A4GNT: variants seen among roughly 807,000 people sequenced by gnomAD.
A4GNT encodes the protein alpha-1,4-N-acetylglucosaminyltransferase.
A neutral mutation model predicts 8.3 loss-of-function variants in A4GNT; 6 were observed. The ratio of observed to expected loss-of-function variants is 0.72; its 90% CI spans 0.39 to 1.42. The LOEUF (loss-of-function observed/expected upper bound fraction) is 1.42. Ranked by LOEUF, A4GNT falls within the 40% of genes most tolerant of loss-of-function variation. The pLI, the probability that A4GNT is intolerant of heterozygous loss-of-function variation, is 0.02. For missense variants in A4GNT, 377 were observed against 417.0 expected (o/e 0.90, Z 0.84); for synonymous variants, 157 against 159.8 (o/e 0.98, Z 0.13).
chr3:138,131,668 A>T (rs1576524187), intron 1 of A4GNT, among the ~76,000 whole-genome samples: 1 of 152,366 alleles, frequency 6.6e-6, no homozygotes, highest in East Asian at 1.9e-4. Context: ...CATTAAAAAT[A>T]ATTAGTTAAT....
intron 2 of A4GNT, among the ~76,000 whole-genome samples, chr3:138,126,075 G>A (rs1056203438): frequency 6.6e-6 from 1 of 152,310 alleles, no homozygotes; most frequent in East Asian, 1.9e-4. Context: ...TCTGGGGTAG[G>A]GTTGGTAGAT....
intron 2 of A4GNT, among the ~76,000 whole-genome samples, chr3:138,127,604 T>C (rs1167879892): frequency 7.4e-5 from 11 of 148,068 alleles, no homozygotes; most frequent in African/African-American, 2.2e-4. Context: ...ACATAAGCGC[T>C]CCAATAAGGA....
At position 138,130,960 on chromosome 3, in the gene A4GNT, G is replaced by A; in HGVS notation, c.297C>T (p.Asn99=). Residue 99 remains asparagine (N), a synonymous_variant, in exon 2 of 3, where the codon AAC becomes AAT. Transcript: ENST00000236709. ...GGAAGGAAAAAGCTGGGTATGTGGA[G>A]TTTGAGGGCATCGGTGTGGAATCAG... ...GLTDSTPMPS[N]STYPAFSFLS... The A allele has an allele frequency of 6.2e-7, 1 of 1,614,194 alleles. No homozygotes were observed.
At chr3:138,125,469 CAG>C (rs1290632648) in intron 2 of A4GNT, among the ~76,000 whole-genome samples, 1 of 152,112 alleles carries the variant, frequency 6.6e-6, no homozygotes, top group Admixed American at 6.5e-5. Context: ...AACAAACAAA[CAG>C]AAATCCCTAC....
chr3:138,129,652 T>C (rs879681696), intron 2 of A4GNT, among the ~76,000 whole-genome samples: 1 of 152,174 alleles, frequency 6.6e-6, no homozygotes, highest in Non-Finnish European at 1.5e-5. Flanking sequence ...CTTCATAATA[T>C]CCTCAATTTT....
Position 138,124,096 on chromosome 3 carries a change from G to T in A4GNT, c.*168C>A. On this transcript the variant is annotated 3_prime_UTR_variant, in exon 3 of 3. Transcript: ENST00000236709. ...ACCATGGGTGTATGTTTTATAGCCA[G>T]TATCATTTGGGATTTTTCTATTACA... The T allele has an allele frequency of 1.1e-6, 1 of 877,232 alleles. No homozygotes were observed. Among genetic ancestry groups the T allele is most frequent in the Non-Finnish European group, 1.7e-6 (1 of 591,798 alleles). 54.3% of individuals were successfully genotyped at this position (877,232 alleles called of 1,614,324 possible).
chr3:138,132,956 C>G (rs111596177), upstream of A4GNT, among the ~76,000 whole-genome samples: 2 of 152,308 alleles, frequency 1.3e-5, no homozygotes, highest in African/African-American at 4.8e-5. Flanking sequence ...AGGAAGCCAG[C>G]TTTGTTGTCC....
Position 138,130,845 on chromosome 3 carries a change from T to G in A4GNT, c.408+4A>C. On this transcript the variant is annotated splice_donor_region_variant and intron_variant, in intron 2 of 2. Transcript: ENST00000236709. ...TGACATTTTAAGTTTCCCTAAACAC[T>G]TACTTGATTGTACCATGAAAACAAT... 2 of 1,613,100 alleles carry G rather than the reference T, an allele frequency of 1.2e-6. 1 individual carries two copies. The highest frequency in any genetic ancestry group is 2.2e-5 in the South Asian group (2 of 90,956).
At position 138,124,296 on chromosome 3, in the gene A4GNT, C is replaced by T; in HGVS notation, c.991G>A (p.Val331Met). Reference sequence around the variant, plus strand: ...TTACCTGGACCCAGCTCCCCAGTCACTGACCCCTCTGGGCCTTTAATCAGG... The same window carrying T: ...TTACCTGGACCCAGCTCCCCAGTCATTGACCCCTCTGGGCCTTTAATCAGG... ...RDLIKGPEGS[V>M]TGELGPGNK is the part of the protein sequence containing the mutation. Residue 331 changes from valine to methionine, a missense_variant, in exon 3 of 3, where the codon GTG becomes ATG. Coordinates refer to ENST00000236709, the MANE Select transcript of A4GNT (RefSeq NM_016161.3). 3 of 1,614,142 alleles carry T rather than the reference C, an allele frequency of 1.9e-6. No homozygotes were observed. Among genetic ancestry groups the T allele is most frequent in the Non-Finnish European group, 2.5e-6 (3 of 1,180,006 alleles).
chr3:138,132,466 T>C (rs1246427616), upstream of A4GNT: 1 of 152,202 alleles, frequency 6.6e-6, no homozygotes, highest in East Asian at 1.9e-4. Flanking sequence ...AAGTAAATCA[T>C]TGGCAGATTG....
intron 2 of A4GNT, among the ~76,000 whole-genome samples, chr3:138,128,274 A>G (rs1198242832): frequency 6.6e-6 from 1 of 152,162 alleles, no homozygotes; most frequent in Admixed American, 6.5e-5. Flanking sequence ...TTGCATTCCT[A>G]TAAGGAAATA....
intron 2 of A4GNT, among the ~76,000 whole-genome samples, chr3:138,129,350 G>A (rs549277098): frequency 1.3e-5 from 2 of 152,254 alleles, no homozygotes; most frequent in South Asian, 4.1e-4. Context: ...TAGACAGAGG[G>A]AGATTTTACA....
rs553089322 is a variant in A4GNT, at chr3:138,124,551, C to T, written c.736G>A (p.Asp246Asn). 5.0e-6 allele frequency: 8 copies of T among 1,614,186 alleles called. No individual in the cohort carries two copies. Among genetic ancestry groups the T allele is most frequent in the Admixed American group, 1.7e-5 (1 of 60,032 alleles). ...CKLEDFQEVS[D>N]LRCLNISFLH... ...AAGGATATGTTCAGACACCTGAGGTCGCTCACCTCCTGGAAGTCTTCAAGT... is the reference window on the plus strand; with the variant it reads ...AAGGATATGTTCAGACACCTGAGGTTGCTCACCTCCTGGAAGTCTTCAAGT... Residue 246 changes from aspartate (D) to asparagine (N), a missense_variant, in exon 3 of 3, where the codon GAC (aspartate) becomes AAC (asparagine). Coordinates refer to ENST00000236709, the MANE Select transcript of A4GNT (RefSeq NM_016161.3).
chr3:138,124,559 T>G lies in A4GNT; in HGVS notation c.728A>C (p.Glu243Ala). The G allele has an allele frequency of 6.2e-7, 1 of 1,614,214 alleles. No homozygotes were observed. Among genetic ancestry groups the G allele is most frequent in the Admixed American group, 1.7e-5 (1 of 60,034 alleles). ...GTTCAGACACCTGAGGTCGCTCACCTCCTGGAAGTCTTCAAGTTTACACCA... is the reference window on the plus strand; with the variant it reads ...GTTCAGACACCTGAGGTCGCTCACCGCCTGGAAGTCTTCAAGTTTACACCA... ...RVWCKLEDFQ[E>A]VSDLRCLNIS... Residue 243 changes from glutamate (E) to alanine (A), a missense_variant, in exon 3 of 3, where the codon GAG becomes GCG. By Grantham distance (107) the Glu-to-Ala change is moderately radical. Coordinates refer to ENST00000236709, the MANE Select transcript of A4GNT (RefSeq NM_016161.3).
rs1267171860 is a variant in A4GNT, at chr3:138,123,956, T to A, written c.*308A>T. 3.2e-6 allele frequency: 1 copy of A among 316,222 alleles called. No homozygotes were observed. Among genetic ancestry groups the A allele is most frequent in the African/African-American group, 2.1e-5 (1 of 47,108 alleles). 19.6% of individuals were successfully genotyped at this position (316,222 alleles called of 1,614,324 possible). ...GTCAGTGCAATGTAAGAGAAAGTGT[T>A]ATACGGTACTTGCAGGAAGTCTTCA... On this transcript the variant is annotated 3_prime_UTR_variant, in exon 3 of 3. Transcript: ENST00000236709.
Position 138,124,813 on chromosome 3 carries a change from G to T in A4GNT, c.474C>A (p.Ile158=), listed in dbSNP as rs1389606048. 6.2e-7 allele frequency: 1 copy of T among 1,613,970 alleles called. No homozygotes were observed. The highest frequency in any genetic ancestry group is 8.5e-7 in the Non-Finnish European group (1 of 1,180,052). The change falls in exon 3 of 3, where the codon ATC becomes ATA. Residue 158 remains isoleucine, a synonymous_variant. Transcript: ENST00000236709. The part of the protein sequence containing the change: ...ISSDASRLAI[I]WKYGGIYMDT... ...CCATGTAGATGCCACCGTATTTCCA[G>T]ATGATGGCCAGGCGGGATGCATCCG...
chr3:138,124,964 G>A (rs1037580628), intron 2 of A4GNT, 86 bp from the exon 3 acceptor site: 52 of 1,499,318 alleles, frequency 3.5e-5, no homozygotes, highest in Non-Finnish European at 4.5e-5. Flanking sequence ...AGAGAGGCTG[G>A]GGAGGGGTTA....
rs1263673108 is a variant in A4GNT, at chr3:138,124,742, A to C, written c.545T>G (p.Leu182Trp). 6.2e-7 allele frequency: 1 copy of C among 1,614,182 alleles called. No homozygotes were observed. The highest frequency in any genetic ancestry group is 8.5e-7 in the Non-Finnish European group (1 of 1,180,018). The change falls in exon 3 of 3, where the codon TTG becomes TGG. Residue 182 changes from leucine to tryptophan, a missense_variant. Transcript: ENST00000236709. Reference sequence around the variant, plus strand: ...AGAGTACCGAGAAGCCTGCGCAGCCAAAAAGTTCTCCTCAGGGATGGGCCT... The same window carrying C: ...AGAGTACCGAGAAGCCTGCGCAGCCCAAAAGTTCTCCTCAGGGATGGGCCT... ...SIRPIPEENFLAAQASRYSSN... is the reference protein window; with the variant it reads ...SIRPIPEENFWAAQASRYSSN...
At position 138,124,869 on chromosome 3, in the gene A4GNT, T is replaced by A. The variant is rs1318136841; in HGVS notation, c.418A>T (p.Ser140Cys). Residue 140 changes from serine to cysteine, a missense_variant, in exon 3 of 3, where the codon AGC becomes TGC. By Grantham distance (112) the Ser-to-Cys change is moderately radical (BLOSUM62 -1). Transcript: ENST00000236709. The stretch of plus-strand genomic sequence containing the variant: ...ATGTGGAGCCAGTTTCTCTCTGCGC[T>A]GGCGTTGATCTGCAGGAGCAGGTGC... ...LFSWYNQINA[S>C]AERNWLHISS... is the part of the protein sequence containing the mutation. The A allele has an allele frequency of 6.2e-7, 1 of 1,610,430 alleles. No individual in the cohort carries two copies. The highest frequency in any genetic ancestry group is 8.5e-7 in the Non-Finnish European group (1 of 1,178,284).
Sources: allele counts gnomAD v4.1 joint callset (sites outside exome capture counted in the v4.1 genomes callset), GRCh38; gene constraint gnomAD v4.1.1; transcripts MANE v1.5; gene names NCBI Gene and HGNC (gene_info 2026-07-23, HGNC 2026-07-21).